Variants in FAM83B observed in about 807,000 individuals in gnomAD.
FAM83B encodes the protein protein FAM83B.
FAM83B carries 26 observed loss-of-function variants against 38.8 expected under a neutral mutation model. The observed-to-expected ratio is 0.67, with a 90% CI of 0.49 to 0.93. The LOEUF (loss-of-function observed/expected upper bound fraction) is 0.93. Ranked by LOEUF, FAM83B falls within the 40% of genes least tolerant of loss-of-function variation. The pLI, the probability that FAM83B is intolerant of heterozygous loss-of-function variation, is 0.00. For synonymous variants in FAM83B, 419 were observed against 423.1 expected (o/e 0.99, Z 0.12); for missense variants, 1,237 against 1,197.3 (o/e 1.03, Z -0.49).
chr6:54,870,763 T>C (rs1163104793), intron 2 of FAM83B, 73 bp downstream of exon 2: 2 of 1,335,278 alleles, frequency 1.5e-6, no homozygotes, highest in Non-Finnish European at 2.0e-6. Flanking sequence ...AACACAAATA[T>C]GTATGTTAAT....
intron 1 of FAM83B, among the ~76,000 whole-genome samples, chr6:54,848,256 T>C (rs1156421293): frequency 6.6e-6 from 1 of 152,152 alleles, no homozygotes; most frequent in East Asian, 1.9e-4. Flanking sequence ...TCCCCACACC[T>C]TCCAATTGCA....
At chr6:54,919,702 A>C (rs557932878) in intron 2 of FAM83B, among the ~76,000 whole-genome samples, 3 of 152,074 alleles carry the variant, frequency 2.0e-5, no homozygotes, top group Non-Finnish European at 4.4e-5. Context: ...CAAGATGTCT[A>C]GTGTGACTCA....
At chr6:54,875,152 A>C (rs1170007017) in intron 2 of FAM83B, among the ~76,000 whole-genome samples, 2 of 152,144 alleles carry the variant, frequency 1.3e-5, no homozygotes, top group Non-Finnish European at 2.9e-5. Context: ...AAATGTTTTC[A>C]CATTTTTTAA....
intron 2 of FAM83B, among the ~76,000 whole-genome samples, chr6:54,920,027 T>C (rs1381208717): frequency 6.6e-6 from 1 of 151,986 alleles, no homozygotes; most frequent in African/African-American, 2.4e-5. Flanking sequence ...AAATTATTAA[T>C]ACATCCATAA....
chr6:54,886,489 T>A (rs1454951740), intron 2 of FAM83B, among the ~76,000 whole-genome samples: 2 of 152,086 alleles, frequency 1.3e-5, no homozygotes, highest in Admixed American at 1.3e-4. Context: ...TATTTTTTTC[T>A]TGTATTTGTT....
intron 1 of FAM83B, among the ~76,000 whole-genome samples, chr6:54,847,984 T>C (rs1771180584): frequency 6.6e-6 from 1 of 151,894 alleles, no homozygotes; most frequent in African/African-American, 2.4e-5. Context: ...TCCTAACAAG[T>C]GCAAGAGCCC....
chr6:54,868,728 G>A (rs932807237), intron 1 of FAM83B, among the ~76,000 whole-genome samples: 23 of 152,290 alleles, frequency 1.5e-4, no homozygotes, highest in African/African-American at 5.5e-4. Context: ...TATAGTTCTA[G>A]TTGTCTGGGC....
rs758521772 is a variant in FAM83B, at chr6:54,870,242, C to A, written c.-5C>A. On this transcript the variant is annotated 5_prime_UTR_variant, in exon 2 of 5. Coordinates refer to ENST00000306858, the MANE Select transcript of FAM83B (RefSeq NM_001010872.3). ...TGAAAGTGCCATAGCCAAACACTTGCAAGCATGGAGACCTCATCAATGCTT... is the reference window on the plus strand; with the variant it reads ...TGAAAGTGCCATAGCCAAACACTTGAAAGCATGGAGACCTCATCAATGCTT... 14 of 1,605,124 alleles carry A rather than the reference C, an allele frequency of 8.7e-6. No individual in the cohort carries two copies. In the African/African-American group the frequency reaches 1.7e-4, roughly 20 times the overall value.
chr6:54,880,462 T>TG (rs1772107386), intron 2 of FAM83B, among the ~76,000 whole-genome samples: 1 of 149,056 alleles, frequency 6.7e-6, no homozygotes, highest in African/African-American at 2.5e-5. Flanking sequence ...TTTTTTTTTT[T>TG]GAGACGGAGT....
At chr6:54,925,503 C>T (rs1291207617) in intron 2 of FAM83B, among the ~76,000 whole-genome samples, 1 of 152,148 alleles carries the variant, frequency 6.6e-6, no homozygotes, top group African/African-American at 2.4e-5. Flanking sequence ...AACACAGACT[C>T]TACATCTTAG....
intron 2 of FAM83B, among the ~76,000 whole-genome samples, chr6:54,915,678 C>T (rs1204097269): frequency 1.6e-5 from 2 of 127,902 alleles, no homozygotes; most frequent in Non-Finnish European, 3.2e-5. Flanking sequence ...CGGTGGCGGG[C>T]GCCTGTAGTC....
chr6:54,887,121 C>T (rs1772296114), intron 2 of FAM83B, among the ~76,000 whole-genome samples: 1 of 152,114 alleles, frequency 6.6e-6, no homozygotes, highest in South Asian at 2.1e-4. Context: ...GCCTGTGTTG[C>T]ATTTGGTAAA....
chr6:54,850,901 C>T (rs1771256608), intron 1 of FAM83B, among the ~76,000 whole-genome samples: 1 of 151,434 alleles, frequency 6.6e-6, no homozygotes, highest in African/African-American at 2.4e-5. Flanking sequence ...TGCCTGTAAT[C>T]CCAGCTACTT....
intron 2 of FAM83B, among the ~76,000 whole-genome samples, chr6:54,890,257 T>A (rs549834402): frequency 6.6e-6 from 1 of 152,242 alleles, no homozygotes; most frequent in South Asian, 2.1e-4. Flanking sequence ...TTTTGCTAAG[T>A]TACATTTTCA....
rs267601081 is a variant in FAM83B, at chr6:54,940,990, C to G, written c.2019C>G (p.Ala673=). ...TCCCGTTATTTGACAACTCAAAAGC[C>G]AACTTAGATCCTGGAAATAGTAAGC... The part of the protein sequence containing the change: ...RSFPLFDNSK[A]NLDPGNSKHY... Residue 673 remains alanine (A), a synonymous_variant, in exon 5 of 5, where the codon GCC becomes GCG. Transcript: ENST00000306858. 6 of 1,613,816 alleles carry G rather than the reference C, an allele frequency of 3.7e-6. No homozygotes were observed. Among genetic ancestry groups the G allele is most frequent in the Non-Finnish European group, 5.1e-6 (6 of 1,179,992 alleles).
chr6:54,872,197 T>C (rs1210816308), intron 2 of FAM83B, among the ~76,000 whole-genome samples: 8 of 152,232 alleles, frequency 5.3e-5, no homozygotes, highest in Admixed American at 5.2e-4. Flanking sequence ...AAATTAGCTA[T>C]AGAATCAGGC....
At chr6:54,896,218 G>GA (rs1245216261) in intron 2 of FAM83B, among the ~76,000 whole-genome samples, 1 of 151,922 alleles carries the variant, frequency 6.6e-6, no homozygotes, top group Non-Finnish European at 1.5e-5. Context: ...ACAAACAAAG[G>GA]AAAAAAATAC....
Position 54,940,434 on chromosome 6 carries a change from C to T in FAM83B, c.1463C>T (p.Thr488Ile), listed in dbSNP as rs369789741. 3.1e-6 allele frequency: 5 copies of T among 1,613,956 alleles called. No individual in the cohort carries two copies. The highest frequency in any genetic ancestry group is 4.2e-6 in the Non-Finnish European group (5 of 1,180,022). ...CGAATGCCAACCCTTGAACATACCA[C>T]AAAGTCATTCCTACGTAACTGGAGA... is the stretch of plus-strand genomic sequence containing the variant. Reference protein sequence around the residue: ...QQRMPTLEHTTKSFLRNWRIE... With the variant: ...QQRMPTLEHTIKSFLRNWRIE... The change falls in exon 5 of 5, where the codon ACA (threonine) becomes ATA (isoleucine). Residue 488 changes from threonine to isoleucine, a missense_variant. Transcript: ENST00000306858.
intron 1 of FAM83B, among the ~76,000 whole-genome samples, chr6:54,861,948 T>C (rs1393105585): frequency 6.6e-6 from 1 of 152,172 alleles, no homozygotes. Flanking sequence ...AATCTTTAAC[T>C]AGAGTCTGGA....
Sources: gnomAD v4.1 joint callset for allele counts (sites outside exome capture counted in the v4.1 genomes callset) on GRCh38, gnomAD v4.1.1 for gene constraint, MANE v1.5 for transcripts, NCBI Gene and HGNC (gene_info 2026-07-23, HGNC 2026-07-21) for gene names.